The following ARAP3 variants were observed in gnomAD, a reference collection of about 807,000 sequenced individuals.
The protein encoded by ARAP3 is arf-GAP with Rho-GAP domain, ANK repeat and PH domain-containing protein 3.
Under a neutral mutation model 169.2 loss-of-function variants are expected in ARAP3, and 82 were observed. That is an observed-to-expected ratio of 0.48 (90% CI 0.41 to 0.58). ARAP3 has a LOEUF of 0.58. Ranked by LOEUF, ARAP3 falls within the 20% of genes least tolerant of loss-of-function variation. The pLI, the probability that ARAP3 is intolerant of heterozygous loss-of-function variation, is 0.00. For missense variants in ARAP3, 1,764 were observed against 2,018.0 expected (o/e 0.87, Z 2.41); for synonymous variants, 791 against 800.3 (o/e 0.99, Z 0.20).
intron 1 of ARAP3, among the ~76,000 whole-genome samples, chr5:141,681,362 C>G (rs149084177): frequency 6.6e-6 from 1 of 152,088 alleles, no homozygotes; most frequent in Admixed American, 6.5e-5. Context: ...GAAATGCCAT[C>G]CCCCCACCTC....
intron 21 of ARAP3, among the ~76,000 whole-genome samples, chr5:141,660,675 G>A (rs1174770036): frequency 6.6e-6 from 1 of 152,116 alleles, no homozygotes; most frequent in Non-Finnish European, 1.5e-5. Context: ...GAGATGGGAT[G>A]TCTCACTATG....
chr5:141,674,269 G>T (rs1310391871), intron 4 of ARAP3, among the ~76,000 whole-genome samples: 2 of 151,644 alleles, frequency 1.3e-5, no homozygotes, highest in Non-Finnish European at 1.5e-5. Flanking sequence ...AGCCTCTTTT[G>T]AGACAGGGTC....
chr5:141,656,151 G>A, intron 28 of ARAP3, 43 bp downstream of exon 28: 1 of 1,614,090 alleles, frequency 6.2e-7, no homozygotes, highest in African/African-American at 1.3e-5. Flanking sequence ...GGGGGGTGAA[G>A]GCAGGAAGGC....
chr5:141,673,449 G>A lies in ARAP3; in HGVS notation c.924C>T (p.Arg308=), dbSNP rs745321294. 1.9e-6 allele frequency: 3 copies of A among 1,614,006 alleles called. No homozygotes were observed. Among genetic ancestry groups the A allele is most frequent in the East Asian group, 2.2e-5 (1 of 44,892 alleles). ...SPQGNYVFQR[R]FVQFNGRSLM... ...GACTCCTCCCATTGAACTGCACAAAGCGTCTCTGGAAGACATAGTTTCTGA... is the reference window on the plus strand; with the variant it reads ...GACTCCTCCCATTGAACTGCACAAAACGTCTCTGGAAGACATAGTTTCTGA... Residue 308 remains arginine, a synonymous_variant, in exon 6 of 33, where the codon CGC becomes CGT. Coordinates refer to ENST00000239440, the MANE Select transcript of ARAP3 (RefSeq NM_022481.6).
chr5:141,663,915 T>C (rs1349997646), intron 19 of ARAP3, among the ~76,000 whole-genome samples: 1 of 152,074 alleles, frequency 6.6e-6, no homozygotes, highest in African/African-American at 2.4e-5. Context: ...AAAATACAAA[T>C]AAAAACAATA....
rs767928406 is a variant in ARAP3, at chr5:141,659,891, G to C, written c.3155C>G (p.Thr1052Arg). 4.4e-6 allele frequency: 7 copies of C among 1,582,630 alleles called. No individual in the cohort carries two copies. Among genetic ancestry groups the C allele is most frequent in the Non-Finnish European group, 6.0e-6 (7 of 1,164,368 alleles). ...TGCAAACAGCAGAGCCAAGTTCCGC[G>C]TGCACATCTGGTTTAGAGCCGCACA... ...QKCAALNQMCTRNLALLFAPS... is the reference protein window; with the variant it reads ...QKCAALNQMCRRNLALLFAPS... Residue 1052 changes from threonine to arginine, a missense_variant, in exon 22 of 33, where the codon ACG (threonine) becomes AGG (arginine). Thr to Arg is a moderately conservative substitution (Grantham distance 71). This residue lies in a region of ARAP3 where 1,112 missense variants were observed against 1,285.7 expected (regional missense o/e 0.86). Transcript: ENST00000239440.
Position 141,653,816 on chromosome 5 carries a change from G to T in ARAP3, c.*134C>A, listed in dbSNP as rs989823615. The T allele has an allele frequency of 4.6e-6, 6 of 1,307,894 alleles. No individual in the cohort carries two copies. In the African/African-American group the frequency reaches 8.9e-5, roughly 19 times the overall value. 81.0% of individuals were successfully genotyped at this position (1,307,894 alleles called of 1,614,324 possible). A position where few individuals can be genotyped will look rare whatever the true frequency, so the allele number is the denominator to read the frequency against. On this transcript the variant is annotated 3_prime_UTR_variant, in exon 33 of 33. Coordinates refer to ENST00000239440, the MANE Select transcript of ARAP3 (RefSeq NM_022481.6). ...GGACACGCAGCCACTGAAGCCTTTA[G>T]TCCAGTGCTCCTTCCACAGCACCAC...
chr5:141,654,175 AG>A lies in ARAP3; in HGVS notation c.4409del (p.Pro1470LeufsTer12). Reference sequence around the variant, plus strand: ...CCCGTGCCTGGGGACTGCTCTTTGAAGGGGGGCCTGGAGGGGGCTCAGGTGG... The same window carrying A: ...CCCGTGCCTGGGGACTGCTCTTTGAAGGGGGCCTGGAGGGGGCTCAGGTGG... ...ERPPEPPPGP[P>X]SKSSPQARGS... On this transcript the variant is annotated frameshift_variant, in exon 33 of 33. Transcript: ENST00000239440. LOFTEE classifies it high-confidence loss of function. The A allele has an allele frequency of 3.7e-6, 6 of 1,613,736 alleles. No individual in the cohort carries two copies. The highest frequency in any genetic ancestry group is 5.1e-6 in the Non-Finnish European group (6 of 1,179,812).
At position 141,661,731 on chromosome 5, in the gene ARAP3, C is replaced by T. The variant is rs201640643; in HGVS notation, c.3072G>A (p.Pro1024=). 4.2e-5 allele frequency: 67 copies of T among 1,614,206 alleles called. No individual in the cohort carries two copies. The East Asian group carries it at 1.0e-3, about 25-fold the overall frequency. The change falls in exon 21 of 33, where the codon CCG becomes CCA. Residue 1024 remains proline, a synonymous_variant. Coordinates refer to ENST00000239440, the MANE Select transcript of ARAP3 (RefSeq NM_022481.6). Reference sequence around the variant, plus strand: ...TGGCCAGTGTGCGGCGGTTGACCCGCGGCAGGCAGCCAATCACATCTTTAT... The same window carrying T: ...TGGCCAGTGTGCGGCGGTTGACCCGTGGCAGGCAGCCAATCACATCTTTAT... ...EKYKDVIGCL[P]RVNRRTLATL...
In ARAP3 at chr5:141,657,560, C is replaced by T. The variant is rs182467301; in HGVS notation, c.3527-714G>A. 4.9e-3 allele frequency among the ~76,000 whole-genome samples: 746 copies of T among 152,366 alleles called. 2 individuals carry two copies. The highest frequency in any genetic ancestry group is 7.3e-3 in the Non-Finnish European group (494 of 68,040). ...TAGGGAGGCAAGCATGGAACATTGT[C>T]CAGCTATCCCCTTTCTGGGGCCACA... is the stretch of plus-strand genomic sequence containing the variant. On this transcript the variant is annotated intron_variant, in intron 25 of 32. Coordinates refer to ENST00000239440, the MANE Select transcript of ARAP3 (RefSeq NM_022481.6).
chr5:141,669,121 T>A (rs2099911100), intron 16 of ARAP3, among the ~76,000 whole-genome samples: 1 of 151,862 alleles, frequency 6.6e-6, no homozygotes, highest in South Asian at 2.1e-4. Context: ...AGGGGGTGAG[T>A]CTTTTACGCC....
At chr5:141,660,455 C>T (rs2099909798) in intron 21 of ARAP3, among the ~76,000 whole-genome samples, 1 of 150,080 alleles carries the variant, frequency 6.7e-6, no homozygotes, top group South Asian at 2.1e-4. Context: ...GATTGCGCCA[C>T]TGCACTCCCG....
chr5:141,675,867 G>A (rs1326045440), intron 4 of ARAP3, among the ~76,000 whole-genome samples: 2 of 151,988 alleles, frequency 1.3e-5, no homozygotes, highest in African/African-American at 2.4e-5. Context: ...CCAATTTCAC[G>A]CACATATTCT....
chr5:141,662,345 G>A, intron 19 of ARAP3, 90 bp from the exon 20 acceptor site: 1 of 1,210,042 alleles, frequency 8.3e-7, no homozygotes, highest in Non-Finnish European at 1.2e-6. Flanking sequence ...TGTGGTATGT[G>A]GCTGATGGGG....
In ARAP3 at chr5:141,672,900, C is replaced by A; in HGVS notation, c.1119G>T (p.Thr373=). The change falls in exon 8 of 33, where the codon ACG becomes ACT. Residue 373 remains threonine, a synonymous_variant. Coordinates refer to ENST00000239440, the MANE Select transcript of ARAP3 (RefSeq NM_022481.6). The surrounding 1 kb of genome is among the most constrained non-coding windows in gnomAD (Gnocchi z 4.9). ...SEAQRDMWCS[T]LQSCLKEQRL... is the part of the protein sequence containing the mutation. The stretch of plus-strand genomic sequence containing the variant: ...GCTGCTCCTTCAGACAGGACTGCAG[C>A]GTGGAGCACCACATGTCCCGCTGAG... 6.2e-7 allele frequency: 1 copy of A among 1,608,980 alleles called. No individual in the cohort carries two copies. Among genetic ancestry groups the A allele is most frequent in the Non-Finnish European group, 8.5e-7 (1 of 1,177,748 alleles).
Position 141,664,939 on chromosome 5 carries a change from C to T in ARAP3, c.2783G>A (p.Ser928Asn). ...DIPIIVDACI[S>N]FVTQHGLRLE... ...CTACTCACCATGCTGGGTAACAAAA[C>T]TGATGCAGGCATCCACGATGATGGG... Residue 928 changes from serine (S) to asparagine (N), a missense_variant, in exon 19 of 33, where the codon AGT becomes AAT. This residue lies in a region of ARAP3 where 1,112 missense variants were observed against 1,285.7 expected (regional missense o/e 0.86). Transcript: ENST00000239440. 6.3e-7 allele frequency: 1 copy of T among 1,594,642 alleles called. No homozygotes were observed. Among genetic ancestry groups the T allele is most frequent in the Non-Finnish European group, 8.5e-7 (1 of 1,171,008 alleles).
chr5:141,659,966 C>G, intron 21 of ARAP3, 40 bp from the exon 22 acceptor site: 1 of 1,525,562 alleles, frequency 6.6e-7, no homozygotes, highest in Non-Finnish European at 8.9e-7. Flanking sequence ...TGTAGCCACT[C>G]ATTCAGCAAA....
At chr5:141,678,032 C>T (rs1442511711) in intron 4 of ARAP3, among the ~76,000 whole-genome samples, 1 of 151,874 alleles carries the variant, frequency 6.6e-6, no homozygotes, top group Non-Finnish European at 1.5e-5. Context: ...ACTGCAAGCT[C>T]CGCCTCCCGG....
chr5:141,672,672 G>A lies in ARAP3; in HGVS notation c.1279-14C>T. 6.2e-7 allele frequency: 1 copy of A among 1,613,890 alleles called. No homozygotes were observed. The highest frequency in any genetic ancestry group is 8.5e-7 in the Non-Finnish European group (1 of 1,179,862). On this transcript the variant is annotated splice_polypyrimidine_tract_variant and intron_variant, in intron 8 of 32. Transcript: ENST00000239440. The surrounding 1 kb of genome is among the most constrained non-coding windows in gnomAD (Gnocchi z 4.9). ...CAGAGAGAAGGCCTGGTGGGGTCAG[G>A]GGGTGGGCATCATGAGGTGCCAGAA...
Sources: allele counts gnomAD v4.1 joint callset (sites outside exome capture counted in the v4.1 genomes callset), GRCh38; gene constraint gnomAD v4.1.1; regional missense constraint gnomAD v4.1.1; non-coding constraint Gnocchi (gnomAD v3.1); transcripts MANE v1.5; gene names NCBI Gene and HGNC (gene_info 2026-07-23, HGNC 2026-07-21).